The following CUX2 variants were observed in gnomAD, a reference collection of about 807,000 sequenced individuals.
CUX2 encodes homeobox protein cut-like 2.
Under a neutral mutation model 144.8 loss-of-function variants are expected in CUX2, and 40 were observed. That is an observed-to-expected ratio of 0.28 (90% CI 0.21 to 0.36). The LOEUF (loss-of-function observed/expected upper bound fraction) is 0.36, where lower values mean the gene tolerates loss of function less well. Ranked by LOEUF, CUX2 falls within the 10% of genes least tolerant of loss-of-function variation. The probability of loss-of-function intolerance (pLI) is 1.00; values close to 1 mark genes in which losing one functional copy is unlikely to be tolerated. For synonymous variants in CUX2, 827 were observed against 875.6 expected, an observed-to-expected ratio of 0.94 and a Z score of 0.98; for missense variants, 1,615 against 1,994.0, an observed-to-expected ratio of 0.81 and a Z score of 3.62.
chr12:111,070,740 A>G (rs564812515), intron 1 of CUX2, among the ~76,000 whole-genome samples: 1 of 152,274 alleles, frequency 6.6e-6, no homozygotes, highest in South Asian at 2.1e-4. Context: ...TGCCCTAAAA[A>G]TCATCCGTGC....
chr12:111,175,444 C>T (rs527331441), intron 1 of CUX2, among the ~76,000 whole-genome samples: 4 of 150,950 alleles, frequency 2.6e-5, no homozygotes, highest in African/African-American at 9.8e-5. Flanking sequence ...AGAAACCAGC[C>T]GACATTTAAA....
At chr12:111,050,063 A>G (rs1013840130) in intron 1 of CUX2, among the ~76,000 whole-genome samples, 1 of 152,010 alleles carries the variant, frequency 6.6e-6, no homozygotes, top group East Asian at 1.9e-4. Flanking sequence ...GAAACCCTTC[A>G]CCTACATCCT....
intron 1 of CUX2, among the ~76,000 whole-genome samples, chr12:111,194,724 A>T (rs975720401): frequency 7.2e-5 from 11 of 152,228 alleles, no homozygotes; most frequent in African/African-American, 2.2e-4. Context: ...TCGGTCCCTG[A>T]TGTACCCGGT....
intron 1 of CUX2, among the ~76,000 whole-genome samples, chr12:111,183,534 C>G (rs964540935): frequency 6.6e-6 from 1 of 152,186 alleles, no homozygotes; most frequent in African/African-American, 2.4e-5. Context: ...TTGCTTCGAG[C>G]CAGGATAGCA....
intron 1 of CUX2, among the ~76,000 whole-genome samples, chr12:111,042,140 G>A (rs1475662606): frequency 1.3e-5 from 2 of 152,244 alleles, no homozygotes; most frequent in African/African-American, 4.8e-5. Flanking sequence ...GCCCAGAGAC[G>A]CTGGGGGGCC....
chr12:111,170,613 G>T (rs929423354), intron 1 of CUX2, among the ~76,000 whole-genome samples: 4 of 144,420 alleles, frequency 2.8e-5, no homozygotes, highest in African/African-American at 1.1e-4. Flanking sequence ...GAATGCAGTG[G>T]CACGATCTCA....
chr12:111,327,992 G>A (rs1428561592), intron 18 of CUX2, among the ~76,000 whole-genome samples: 2 of 152,118 alleles, frequency 1.3e-5, no homozygotes, highest in African/African-American at 4.8e-5. Flanking sequence ...GAGCCTAGGA[G>A]GTCAAGGCTG....
In CUX2 at chr12:111,287,612, T is replaced by C. The variant is rs1049685351; in HGVS notation, c.302-3806T>C. ...GCTTGCTGGGTTAATTATGTCAATG[T>C]ATAATTACATCAGCCCGGGGAGACA... On this transcript the variant is annotated intron_variant, in intron 4 of 21. Transcript: ENST00000261726. This position sits in a 1 kb window ranked among gnomAD's most constrained non-coding sequence, Gnocchi z 4.2. Among the ~76,000 whole-genome samples the C allele has an allele frequency of 3.3e-5, 5 of 152,256 alleles. No individual in the cohort carries two copies. The East Asian group carries it at 9.6e-4, about 29-fold the overall frequency.
intron 1 of CUX2, among the ~76,000 whole-genome samples, chr12:111,146,303 AGTTT>A (rs1876667660): frequency 1.3e-5 from 2 of 152,180 alleles, no homozygotes; most frequent in Admixed American, 1.3e-4. Flanking sequence ...CATGAAGAAG[AGTTT>A]TCCTGCCCTA....
chr12:111,133,540 GC>G (rs1353401946), intron 1 of CUX2, among the ~76,000 whole-genome samples: 1 of 152,152 alleles, frequency 6.6e-6, no homozygotes, highest in African/African-American at 2.4e-5. Flanking sequence ...GGAAAGACTG[GC>G]CCCCATGATT....
intron 3 of CUX2, among the ~76,000 whole-genome samples, chr12:111,251,643 C>T (rs560522863): frequency 3.3e-5 from 5 of 152,054 alleles, no homozygotes; most frequent in African/African-American, 4.8e-5. Context: ...TTCTTAATGC[C>T]GACATTTGAA....
intron 1 of CUX2, among the ~76,000 whole-genome samples, chr12:111,100,383 T>C (rs1242113851): frequency 6.7e-6 from 1 of 149,242 alleles, no homozygotes; most frequent in Non-Finnish European, 1.5e-5. Flanking sequence ...TGCCTATCTC[T>C]GTGTGTGCAC....
intron 1 of CUX2, among the ~76,000 whole-genome samples, chr12:111,130,000 G>T (rs1242289328): frequency 1.3e-5 from 2 of 152,170 alleles, no homozygotes; most frequent in East Asian, 1.9e-4. Context: ...GACATTTTGG[G>T]TCTCCTGGAA....
chr12:111,044,218 A>C (rs1367255712), intron 1 of CUX2, among the ~76,000 whole-genome samples: 1 of 152,196 alleles, frequency 6.6e-6, no homozygotes, highest in Non-Finnish European at 1.5e-5. Context: ...GGATTGGGAC[A>C]TCTGCATAAG....
At chr12:111,185,693 A>G (rs1334925819) in intron 1 of CUX2, among the ~76,000 whole-genome samples, 2 of 152,174 alleles carry the variant, frequency 1.3e-5, no homozygotes, top group East Asian at 3.9e-4. Flanking sequence ...CCCTGAGCCC[A>G]TTAGCCTGGG....
intron 1 of CUX2, among the ~76,000 whole-genome samples, chr12:111,188,562 G>T (rs2136190959): frequency 6.6e-6 from 1 of 152,300 alleles, no homozygotes; most frequent in African/African-American, 2.4e-5. Context: ...GTCCAGGCAT[G>T]GGAACAGCAG....
Position 111,295,796 on chromosome 12 carries a change from AG to A in CUX2, c.637+391del, listed in dbSNP as rs1208304095. Among the ~76,000 whole-genome samples the A allele has an allele frequency of 6.7e-6, 1 of 149,380 alleles. No individual in the cohort carries two copies. The highest frequency in any genetic ancestry group is 1.5e-5 in the Non-Finnish European group (1 of 67,994). ...TTAATTAATTTAATACAACCCCTGC[AG>A]GGGCCAAAACGCTACCAAGCCACCG... On this transcript the variant is annotated intron_variant, in intron 7 of 21. Coordinates refer to ENST00000261726, the MANE Select transcript of CUX2 (RefSeq NM_015267.4). This position sits in a 1 kb window ranked among gnomAD's most constrained non-coding sequence, Gnocchi z 5.0.
intron 1 of CUX2, chr12:111,099,835 G>C (rs1873096249): frequency 4.8e-6 from 2 of 418,474 alleles, no homozygotes; most frequent in Non-Finnish European, 9.7e-6. Flanking sequence ...CGGGGCCGAT[G>C]GGCAGCTAGG....
intron 1 of CUX2, among the ~76,000 whole-genome samples, chr12:111,118,562 C>T (rs916740107): frequency 7.2e-5 from 11 of 152,160 alleles, no homozygotes; most frequent in Non-Finnish European, 1.5e-4. Context: ...CCTCCACCAT[C>T]AAGCTGTACC....
Sources: gnomAD v4.1 joint callset for allele counts (sites outside exome capture counted in the v4.1 genomes callset) on GRCh38, gnomAD v4.1.1 for gene constraint, Gnocchi (gnomAD v3.1) non-coding constraint, MANE v1.5 for transcripts, NCBI Gene and HGNC (gene_info 2026-07-23, HGNC 2026-07-21) for gene names.